SIPA1L1: variants seen among roughly 807,000 people sequenced by gnomAD.
SIPA1L1 encodes the protein signal induced proliferation associated 1 like 1.
A neutral mutation model predicts 162.7 loss-of-function variants in SIPA1L1; 26 were observed. That is an observed-to-expected ratio of 0.16 (90% CI 0.12 to 0.22). The LOEUF (loss-of-function observed/expected upper bound fraction) is 0.22, where lower values mean the gene tolerates loss of function less well. SIPA1L1 is among the 10% of genes least tolerant of loss of function. SIPA1L1 has a pLI of 1.00. For missense variants in SIPA1L1, 1,874 were observed against 2,241.0 expected, an observed-to-expected ratio of 0.84 and a Z score of 3.31; for synonymous variants, 829 against 837.4, an observed-to-expected ratio of 0.99 and a Z score of 0.17.
At chr14:71,356,839 G>T (rs909065448) in intron 2 of SIPA1L1, among the ~76,000 whole-genome samples, 1 of 151,252 alleles carries the variant, frequency 6.6e-6, no homozygotes, top group Non-Finnish European at 1.5e-5. Context: ...CAAAGACAGA[G>T]AAATTCCAGG....
chr14:71,535,096 T>C (rs1340367979), intron 4 of SIPA1L1, among the ~76,000 whole-genome samples: 2 of 152,176 alleles, frequency 1.3e-5, no homozygotes, highest in East Asian at 3.8e-4. Context: ...TGGCCATTAC[T>C]AACATAGGCT....
intron 12 of SIPA1L1, among the ~76,000 whole-genome samples, chr14:71,681,817 TATG>T (rs1381205870): frequency 1.3e-5 from 2 of 152,144 alleles, no homozygotes; most frequent in Non-Finnish European, 2.9e-5. Flanking sequence ...AGGAGAGAGT[TATG>T]AGAAATAAAA....
At chr14:71,474,781 TTTATAG>T (rs1373202796) in intron 2 of SIPA1L1, among the ~76,000 whole-genome samples, 1 of 152,234 alleles carries the variant, frequency 6.6e-6, no homozygotes, top group Non-Finnish European at 1.5e-5. Flanking sequence ...CATTTGGCTA[TTTATAG>T]TTGATTCTTA....
intron 2 of SIPA1L1, among the ~76,000 whole-genome samples, chr14:71,473,656 A>G (rs1327087307): frequency 6.6e-6 from 1 of 152,216 alleles, no homozygotes; most frequent in African/African-American, 2.4e-5. Context: ...ATGAGATGTA[A>G]GTCTGTCTTC....
chr14:71,646,877 G>A (rs928281832), intron 7 of SIPA1L1, among the ~76,000 whole-genome samples: 4 of 152,078 alleles, frequency 2.6e-5, no homozygotes, highest in Non-Finnish European at 5.9e-5. Context: ...AGCCCACGTA[G>A]GTATGTTTGT....
chr14:71,367,257 G>A (rs1487492991), intron 2 of SIPA1L1, among the ~76,000 whole-genome samples: 1 of 143,220 alleles, frequency 7.0e-6, no homozygotes, highest in African/African-American at 2.6e-5. Context: ...CGTTTAGCCT[G>A]TTTCTAATTT....
intron 2 of SIPA1L1, among the ~76,000 whole-genome samples, chr14:71,410,635 A>G (rs545518693): frequency 6.6e-6 from 1 of 152,358 alleles, no homozygotes; most frequent in African/African-American, 2.4e-5. Flanking sequence ...TTTGAGCACT[A>G]AAAGTCACGT....
At chr14:71,610,368 ATTTTT>A (rs1251381249) in intron 5 of SIPA1L1, among the ~76,000 whole-genome samples, 2 of 152,190 alleles carry the variant, frequency 1.3e-5, no homozygotes, top group Non-Finnish European at 2.9e-5. Flanking sequence ...GTGAGCCTTG[ATTTTT>A]ATTGCCAAAT....
chr14:71,468,010 G>A (rs953722283), intron 2 of SIPA1L1, among the ~76,000 whole-genome samples: 6 of 100,028 alleles, frequency 6.0e-5, no homozygotes, highest in African/African-American at 2.0e-4. Flanking sequence ...AGAGGGGTGT[G>A]TGTGTGTGTG....
At chr14:71,372,270 A>T (rs8007169) in intron 2 of SIPA1L1, among the ~76,000 whole-genome samples, 2 of 152,178 alleles carry the variant, frequency 1.3e-5, no homozygotes, top group African/African-American at 4.8e-5. Flanking sequence ...ATCAGTATGC[A>T]TAGATTCAAA....
At chr14:71,450,287 TA>T (rs1318491151) in intron 2 of SIPA1L1, among the ~76,000 whole-genome samples, 3 of 152,188 alleles carry the variant, frequency 2.0e-5, no homozygotes, top group Non-Finnish European at 4.4e-5. Context: ...CTTGTACTGA[TA>T]CAGTAGATTT....
At chr14:71,491,264 A>G (rs1467381618) in intron 2 of SIPA1L1, among the ~76,000 whole-genome samples, 2 of 152,158 alleles carry the variant, frequency 1.3e-5, no homozygotes, top group African/African-American at 4.8e-5. Context: ...ACTCTGAGCT[A>G]TCTTTGGGTT....
At chr14:71,387,949 G>A (rs2040466990) in intron 2 of SIPA1L1, among the ~76,000 whole-genome samples, 1 of 152,218 alleles carries the variant, frequency 6.6e-6, no homozygotes. Flanking sequence ...TAGAGTATCA[G>A]TATGATACGA....
intron 16 of SIPA1L1, 151 bp from the exon 17 acceptor site, chr14:71,709,071 A>G (rs956740508): frequency 9.6e-6 from 6 of 625,422 alleles, no homozygotes; most frequent in South Asian, 2.0e-5. Flanking sequence ...CCATAGTGAC[A>G]TAGGTTCCCT....
At chr14:71,385,686 CTTTTTTTTTT>C (rs532140419) in intron 2 of SIPA1L1, among the ~76,000 whole-genome samples, 1 of 112,414 alleles carries the variant, frequency 8.9e-6, no homozygotes, top group Non-Finnish European at 1.8e-5. Context: ...TTTGTACATT[CTTTTTTTTTT>C]TTTTTTTTTT....
intron 4 of SIPA1L1, among the ~76,000 whole-genome samples, chr14:71,577,457 A>G (rs950044175): frequency 2.0e-5 from 3 of 151,114 alleles, no homozygotes; most frequent in Admixed American, 6.6e-5. Context: ...GCTTACTGCA[A>G]CCTCCGCCTC....
chr14:71,438,167 A>G (rs1489151244), intron 2 of SIPA1L1, among the ~76,000 whole-genome samples: 1 of 151,960 alleles, frequency 6.6e-6, no homozygotes, highest in Admixed American at 6.6e-5. Flanking sequence ...AACAAAACAA[A>G]ACTCGTCACC....
At chr14:71,513,286 G>C (rs1157943893) in intron 3 of SIPA1L1, among the ~76,000 whole-genome samples, 2 of 151,966 alleles carry the variant, frequency 1.3e-5, no homozygotes, top group African/African-American at 4.8e-5. Context: ...TTGGACACTT[G>C]GTTGTTGTGG....
chr14:71,652,407 A>AT (rs975863098), intron 8 of SIPA1L1, among the ~76,000 whole-genome samples: 2 of 152,206 alleles, frequency 1.3e-5, no homozygotes, highest in Non-Finnish European at 2.9e-5. Flanking sequence ...TTTGAATATA[A>AT]TTCTTTTTCT....
Sources: gnomAD v4.1 joint callset for allele counts (sites outside exome capture counted in the v4.1 genomes callset) on GRCh38, gnomAD v4.1.1 for gene constraint, MANE v1.5 for transcripts, NCBI Gene and HGNC (gene_info 2026-07-23, HGNC 2026-07-21) for gene names.